The following GABRA3 variants were observed in gnomAD, a reference collection of about 807,000 sequenced individuals.
The protein encoded by GABRA3 is gamma-aminobutyric acid type A receptor subunit alpha3.
In GABRA3, 10 loss-of-function variants were observed where a neutral mutation model predicts 30.1. The ratio of observed to expected loss-of-function variants is 0.33; its 90% CI spans 0.20 to 0.56. GABRA3 has a LOEUF of 0.56. Ranked by LOEUF, GABRA3 falls within the 20% of genes least tolerant of loss-of-function variation. GABRA3 has a pLI of 0.89. For missense variants in GABRA3, 233 were observed against 392.0 expected, an observed-to-expected ratio of 0.59 and a Z score of 3.42; for synonymous variants, 151 against 146.8, an observed-to-expected ratio of 1.03 and a Z score of -0.21.
chrX:152,439,863 C>T (rs905291053), intron 1 of GABRA3, among the ~76,000 whole-genome samples: 8 of 111,765 alleles, frequency 7.2e-5, no homozygotes, highest in African/African-American at 2.3e-4. Flanking sequence ...GATGTGATAG[C>T]ATAAAAGAAA....
rs772800566 is a variant in GABRA3 at position 152,355,263 on chromosome X, C to T, written c.140+9168G>A. Among the ~76,000 whole-genome samples, 5 of 111,498 alleles carry T rather than the reference C, an allele frequency of 4.5e-5. No individual in the cohort carries two copies. In the South Asian group the frequency reaches 1.5e-3, roughly 34 times the overall value. On this transcript the variant is annotated intron_variant, in intron 2 of 9. Coordinates refer to ENST00000370314, the MANE Select transcript of GABRA3 (RefSeq NM_000808.4). ...ACTCTATTAGTAGTGTGGAAATATG[C>T]GGCCTTGTGTGCAGCATATTTCGTT...
rs1230729682 is a variant in GABRA3, at chrX:152,166,434, A to T, written c.*1794T>A. 1 of 103,857 alleles carries T rather than the reference A, an allele frequency of 9.6e-6. No homozygotes were observed. Among genetic ancestry groups the T allele is most frequent in the African/African-American group, 3.6e-5 (1 of 27,950 alleles). 8.6% of individuals were successfully genotyped at this position (103,857 alleles called of 1,213,427 possible). Reference sequence around the variant, plus strand: ...TCTAGTCATGAATTTACCTACAGACACAGTCTTAGGAATAATGGGACGGGC... The same window carrying T: ...TCTAGTCATGAATTTACCTACAGACTCAGTCTTAGGAATAATGGGACGGGC... On this transcript the variant is annotated 3_prime_UTR_variant, in exon 10 of 10. Coordinates refer to ENST00000370314, the MANE Select transcript of GABRA3 (RefSeq NM_000808.4).
chrX:152,203,947 G>A (rs1474878301), intron 7 of GABRA3, among the ~76,000 whole-genome samples: 10 of 111,755 alleles, frequency 8.9e-5, no homozygotes, highest in Admixed American at 7.6e-4. Flanking sequence ...TTGGGGGGCC[G>A]CTATTCTCCC....
intron 1 of GABRA3, among the ~76,000 whole-genome samples, 194 bp from the exon 2 acceptor site, chrX:152,364,790 C>G (rs748898298): frequency 9.0e-6 from 1 of 111,108 alleles, no homozygotes; most frequent in African/African-American, 3.3e-5. Context: ...CCACCAAAAT[C>G]GCCCCCAATA....
At chrX:152,290,142 A>G (rs896071972) in intron 3 of GABRA3, among the ~76,000 whole-genome samples, 2 of 106,884 alleles carry the variant, frequency 1.9e-5, no homozygotes, top group African/African-American at 3.4e-5. Flanking sequence ...AACAATGTAA[A>G]AGTATTCCTA....
At chrX:152,326,129 T>A (rs1467911561) in intron 3 of GABRA3, among the ~76,000 whole-genome samples, 3 of 110,254 alleles carry the variant, frequency 2.7e-5, no homozygotes, top group Non-Finnish European at 5.7e-5. Context: ...GTGAATGAAA[T>A]GGAGTGAGAA....
intron 7 of GABRA3, 37 bp from the exon 8 acceptor site, chrX:152,197,822 A>G (rs201426189): frequency 4.4e-4 from 484 of 1,088,316 alleles, no homozygotes; most frequent in Middle Eastern, 1.5e-3. Flanking sequence ...ATGTAGCTAC[A>G]TAAACATTGC....
At chrX:152,310,368 C>T (rs1162623888) in intron 3 of GABRA3, among the ~76,000 whole-genome samples, 1 of 112,386 alleles carries the variant, frequency 8.9e-6, no homozygotes, top group African/African-American at 3.2e-5. Flanking sequence ...CTAAACTGAA[C>T]TACATTCTTA....
At chrX:152,278,057 T>C (rs1395558299) in intron 4 of GABRA3, among the ~76,000 whole-genome samples, 1 of 112,349 alleles carries the variant, frequency 8.9e-6, no homozygotes, top group Non-Finnish European at 1.9e-5. Flanking sequence ...TTCATCATTC[T>C]CTATTTTGAA....
At chrX:152,232,071 T>C (rs1480010361) in intron 5 of GABRA3, among the ~76,000 whole-genome samples, 1 of 111,557 alleles carries the variant, frequency 9.0e-6, no homozygotes, top group Non-Finnish European at 1.9e-5. Context: ...AACTTGAATT[T>C]TGGTTACAGT....
At chrX:152,306,715 C>T (rs1017683110) in intron 3 of GABRA3, among the ~76,000 whole-genome samples, 5 of 112,186 alleles carry the variant, frequency 4.5e-5, no homozygotes, top group Admixed American at 2.8e-4. Context: ...AAAAACAAAA[C>T]AAAACCGTAC....
At chrX:152,172,208 T>C (rs1206344737) in intron 9 of GABRA3, among the ~76,000 whole-genome samples, 1 of 111,723 alleles carries the variant, frequency 9.0e-6, no homozygotes, top group Non-Finnish European at 1.9e-5. Flanking sequence ...CATGAAAAGA[T>C]GGTAAGCATC....
At chrX:152,396,460 G>A (rs750689221) in intron 1 of GABRA3, among the ~76,000 whole-genome samples, 3 of 111,732 alleles carry the variant, frequency 2.7e-5, no homozygotes, top group East Asian at 2.8e-4. Flanking sequence ...TGACTGCATG[G>A]TGTATAAATA....
intron 3 of GABRA3, among the ~76,000 whole-genome samples, chrX:152,286,609 G>T (rs1438621876): frequency 9.0e-6 from 1 of 111,303 alleles, no homozygotes; most frequent in African/African-American, 3.3e-5. Flanking sequence ...TACTCATCCA[G>T]ACCTGAGTTT....
chrX:152,378,783 T>C (rs1199896709), intron 1 of GABRA3, among the ~76,000 whole-genome samples: 1 of 111,337 alleles, frequency 9.0e-6, no homozygotes, highest in Admixed American at 9.6e-5. Flanking sequence ...GAGTCATATC[T>C]AACACATAAG....
intron 3 of GABRA3, among the ~76,000 whole-genome samples, chrX:152,298,451 A>AC (rs1939572524): frequency 1.0e-5 from 1 of 98,509 alleles, no homozygotes; most frequent in African/African-American, 3.9e-5. Context: ...TTCAATTCCC[A>AC]CCTATGAGTG....
intron 3 of GABRA3, among the ~76,000 whole-genome samples, chrX:152,290,916 G>C (rs1262550553): frequency 8.9e-6 from 1 of 111,815 alleles, no homozygotes; most frequent in Non-Finnish European, 1.9e-5. Context: ...GGTTACTATA[G>C]CTTTGTAGTA....
At chrX:152,307,640 G>A (rs74672802) in intron 3 of GABRA3, among the ~76,000 whole-genome samples, 6,382 of 111,222 alleles carry the variant, frequency 0.057, 186 homozygotes, top group Non-Finnish European at 0.085. Context: ...GCATATCTTC[G>A]GAAGAAAGGC....
At chrX:152,380,011 T>C (rs1005435107) in intron 1 of GABRA3, among the ~76,000 whole-genome samples, 2 of 111,214 alleles carry the variant, frequency 1.8e-5, no homozygotes, top group Admixed American at 1.9e-4. Flanking sequence ...CTAATTTTTG[T>C]ATTTAAATGT....
Sources: gnomAD v4.1 joint callset for allele counts (sites outside exome capture counted in the v4.1 genomes callset) on GRCh38, gnomAD v4.1.1 for gene constraint, MANE v1.5 for transcripts, NCBI Gene and HGNC (gene_info 2026-07-23, HGNC 2026-07-21) for gene names.